The following FCHSD1 variants were observed in gnomAD, a reference collection of about 807,000 sequenced individuals.
FCHSD1 encodes FCH and double SH3 domains 1.
FCHSD1 carries 109 observed loss-of-function variants against 101.3 expected under a neutral mutation model. The ratio of observed to expected loss-of-function variants is 1.08; its 90% CI spans 0.92 to 1.26. The LOEUF (loss-of-function observed/expected upper bound fraction) is 1.26. Among genes scored for constraint, FCHSD1 ranks in the 50% most tolerant of loss-of-function variants. FCHSD1 has a pLI of 0.00. For synonymous variants in FCHSD1, 291 were observed against 356.8 expected (o/e 0.82, Z 2.08); for missense variants, 820 against 895.8 (o/e 0.92, Z 1.08).
intron 10 of FCHSD1, 125 bp from the exon 11 acceptor site, chr5:141,646,847 G>T: frequency 7.3e-7 from 1 of 1,375,968 alleles, no homozygotes; most frequent in Non-Finnish European, 9.7e-7. Context: ...CATGCCTACA[G>T]TCATGGACAC....
In FCHSD1 at chr5:141,649,284, G is replaced by C; in HGVS notation, c.400C>G (p.Gln134Glu). ...CGGACAGACTGCAGCACCTCAGCCT[G>C]CGCCCTCTGGAGGTTCTCTGTTCCC... ...RKGTENLQRAQAEVLQSVREL... is the reference protein window; with the variant it reads ...RKGTENLQRAEAEVLQSVREL... The change falls in exon 6 of 20, where the codon CAG becomes GAG. Residue 134 changes from glutamine (Q) to glutamate (E), a missense_variant. By Grantham distance (29) the Gln-to-Glu change is conservative. Coordinates refer to ENST00000435817, the MANE Select transcript of FCHSD1 (RefSeq NM_033449.3). This position sits in a 1 kb window ranked among gnomAD's most constrained non-coding sequence, Gnocchi z 4.1. 6.2e-7 allele frequency: 1 copy of C among 1,613,996 alleles called. No homozygotes were observed. The highest frequency in any genetic ancestry group is 8.5e-7 in the Non-Finnish European group (1 of 1,179,890).
Position 141,640,226 on chromosome 5 carries a change from C to T in FCHSD1, c.*1272G>A, listed in dbSNP as rs924668013. 3.1e-6 allele frequency: 5 copies of T among 1,614,170 alleles called. No homozygotes were observed. Among genetic ancestry groups the T allele is most frequent in the Admixed American group, 1.7e-5 (1 of 60,026 alleles). The stretch of plus-strand genomic sequence containing the variant: ...CAACACTGAGGGCCGGAGGGAGGGG[C>T]CCAAGCCCAGGGCTGCCCACTCAAG... On this transcript the variant is annotated 3_prime_UTR_variant, in exon 20 of 20. Transcript: ENST00000435817.
chr5:141,641,508 G>A lies in FCHSD1; in HGVS notation c.2063C>T (p.Pro688Leu). The part of the protein sequence containing the change: ...AKAPDPGHPD[P>L]LT ...AGGCTTCCCTGGCCTTCAGGTGAGG[G>A]GATCTGGGTGGCCAGGATCCGGGGC... Residue 688 changes from proline (P) to leucine (L), a missense_variant, in exon 20 of 20, where the codon CCC becomes CTC. Pro to Leu is a moderately conservative substitution (Grantham distance 98). Transcript: ENST00000435817. The A allele has an allele frequency of 1.3e-6, 2 of 1,498,744 alleles. No homozygotes were observed. Among genetic ancestry groups the A allele is most frequent in the African/African-American group, 2.8e-5 (2 of 71,638 alleles). The allele number at this position is 1,498,744 out of a possible 1,614,324, so 92.8% of individuals were successfully genotyped here. A position where few individuals can be genotyped will look rare whatever the true frequency, so the allele number is the denominator to read the frequency against.
chr5:141,651,012 G>T lies in FCHSD1; in HGVS notation c.119+8C>A. ...GTGAGTGTAAATGAAGGGGGTTGGG[G>T]GAGCTACCTGATGTCCTCCAGCAGA... On this transcript the variant is annotated splice_region_variant and intron_variant, in intron 2 of 19. Coordinates refer to ENST00000435817, the MANE Select transcript of FCHSD1 (RefSeq NM_033449.3). The T allele has an allele frequency of 1.3e-6, 2 of 1,576,122 alleles. No homozygotes were observed. The highest frequency in any genetic ancestry group is 1.7e-6 in the Non-Finnish European group (2 of 1,159,632).
rs761011733 is a variant in FCHSD1 at position 141,649,982 on chromosome 5, G to C, written c.166-28C>G. 5.2e-6 allele frequency: 8 copies of C among 1,526,144 alleles called. No homozygotes were observed. The highest frequency in any genetic ancestry group is 7.0e-6 in the Non-Finnish European group (8 of 1,138,490). The allele number at this position is 1,526,144 out of a possible 1,614,324, so 94.5% of individuals were successfully genotyped here. A position where few individuals can be genotyped will look rare whatever the true frequency, so the allele number is the denominator to read the frequency against. On this transcript the variant is annotated intron_variant, in intron 3 of 19. Transcript: ENST00000435817. This position sits in a 1 kb window ranked among gnomAD's most constrained non-coding sequence, Gnocchi z 4.1. ...GGTGAAAAAGCCATCACAGAACCAA[G>C]TTCCCTTTCAAAGACCCACCCCAAC...
Position 141,646,149 on chromosome 5 carries a change from G to A in FCHSD1, c.1087C>T (p.Arg363Trp), listed in dbSNP as rs1024781960. 57 of 1,611,366 alleles carry A rather than the reference G, an allele frequency of 3.5e-5. No individual in the cohort carries two copies. The highest frequency in any genetic ancestry group is 4.2e-5 in the Non-Finnish European group (49 of 1,179,052). ...CTCTGTTCTATGCTTGGAGCCTCCCGCTCTGAAGCCTGCTGCCGCCTCTGC... is the reference window on the plus strand; with the variant it reads ...CTCTGTTCTATGCTTGGAGCCTCCCACTCTGAAGCCTGCTGCCGCCTCTGC... ...LEQRRQQASE[R>W]EAPSIEQRLQ... Residue 363 changes from arginine to tryptophan, a missense_variant, in exon 12 of 20, where the codon CGG becomes TGG. Transcript: ENST00000435817.
intron 11 of FCHSD1, 39 bp downstream of exon 11, chr5:141,646,564 C>A: frequency 6.3e-7 from 1 of 1,587,338 alleles, no homozygotes; most frequent in Non-Finnish European, 8.6e-7. Flanking sequence ...CTTGCTGAGA[C>A]AAGAAGGTGC....
chr5:141,643,040 A>G lies in FCHSD1; in HGVS notation c.1912T>C (p.Ser638Pro). ...GGTGCAGGGGGCCCATCCAACACAGAGGTAGGTGCAGGTGGGGAGAAGCTG... is the reference window on the plus strand; with the variant it reads ...GGTGCAGGGGGCCCATCCAACACAGGGGTAGGTGCAGGTGGGGAGAAGCTG... ...PPSFSPPAPT[S>P]VLDGPPAPVL... Residue 638 changes from serine to proline, a missense_variant, in exon 18 of 20, where the codon TCT becomes CCT. Physicochemically the swap from Ser to Pro is moderately conservative, Grantham distance 74. Transcript: ENST00000435817. The G allele has an allele frequency of 6.4e-7, 1 of 1,555,232 alleles. No individual in the cohort carries two copies. The highest frequency in any genetic ancestry group is 2.4e-5 in the East Asian group (1 of 40,830).
Position 141,649,759 on chromosome 5 carries a change from G to C in FCHSD1, c.233+128C>G. On this transcript the variant is annotated intron_variant, in intron 4 of 19. Transcript: ENST00000435817. This position sits in a 1 kb window ranked among gnomAD's most constrained non-coding sequence, Gnocchi z 4.1. ...TTGCTGGGTCAGCTCCTCTGCTGCT[G>C]CTGTGTCAGCTCTACCTACAGCTCA... is the stretch of plus-strand genomic sequence containing the variant. 8.1e-7 allele frequency: 1 copy of C among 1,238,418 alleles called. No homozygotes were observed. The highest frequency in any genetic ancestry group is 2.4e-4 in the Middle Eastern group (1 of 4,134). 76.7% of individuals were successfully genotyped at this position (1,238,418 alleles called of 1,614,324 possible).
Position 141,645,763 on chromosome 5 carries a change from G to T in FCHSD1, c.1311+8C>A. 1 of 1,609,280 alleles carries T rather than the reference G, an allele frequency of 6.2e-7. No individual in the cohort carries two copies. Among genetic ancestry groups the T allele is most frequent in the Non-Finnish European group, 8.5e-7 (1 of 1,177,266 alleles). Reference sequence around the variant, plus strand: ...GTAAGGATGGGTAGTGTTGGGGGAGGAGCTCACGGTTGGAGAGAGGTCCCT... The same window carrying T: ...GTAAGGATGGGTAGTGTTGGGGGAGTAGCTCACGGTTGGAGAGAGGTCCCT... On this transcript the variant is annotated splice_region_variant and intron_variant, in intron 13 of 19. Coordinates refer to ENST00000435817, the MANE Select transcript of FCHSD1 (RefSeq NM_033449.3).
rs1170940613 is a variant in FCHSD1 at position 141,649,775 on chromosome 5, C to G, written c.233+112G>C. 30 of 1,322,602 alleles carry G rather than the reference C, an allele frequency of 2.3e-5. No individual in the cohort carries two copies. Among genetic ancestry groups the G allele is most frequent in the Non-Finnish European group, 2.8e-5 (27 of 970,056 alleles). The allele number at this position is 1,322,602 out of a possible 1,614,324, so 81.9% of individuals were successfully genotyped here. A position where few individuals can be genotyped will look rare whatever the true frequency, so the allele number is the denominator to read the frequency against. ...TCTGCTGCTGCTGTGTCAGCTCTAC[C>G]TACAGCTCACGTGCCTTCCCCACTT... On this transcript the variant is annotated intron_variant, in intron 4 of 19. Coordinates refer to ENST00000435817, the MANE Select transcript of FCHSD1 (RefSeq NM_033449.3). The surrounding 1 kb of genome is among the most constrained non-coding windows in gnomAD (Gnocchi z 4.1).
chr5:141,642,934 G>T, intron 18 of FCHSD1, 67 bp downstream of exon 18: 1 of 1,461,278 alleles, frequency 6.8e-7, no homozygotes, highest in Non-Finnish European at 9.3e-7. Context: ...AGCGTGACCT[G>T]GGAGTCCAAG....
chr5:141,649,091 T>G lies in FCHSD1; in HGVS notation c.513-71A>C. Reference sequence around the variant, plus strand: ...ATATGAGATCAGAGTCAGGCCCAGCTTTGGTGACTTGGCTCCACCCCTAGA... The same window carrying G: ...ATATGAGATCAGAGTCAGGCCCAGCGTTGGTGACTTGGCTCCACCCCTAGA... On this transcript the variant is annotated intron_variant, in intron 6 of 19. Coordinates refer to ENST00000435817, the MANE Select transcript of FCHSD1 (RefSeq NM_033449.3). The surrounding 1 kb of genome is among the most constrained non-coding windows in gnomAD (Gnocchi z 4.1). 1 of 1,613,838 alleles carries G rather than the reference T, an allele frequency of 6.2e-7. No homozygotes were observed. The highest frequency in any genetic ancestry group is 8.5e-7 in the Non-Finnish European group (1 of 1,179,768).
chr5:141,650,361 GCCC>G lies in FCHSD1; in HGVS notation c.160_162del (p.Gly54del). ...AGGTCCAGAGAAAAGTCCCATACCT[GCCC>G]ATACTCCCGTTCAATGGCTGCCCTC... On this transcript the variant is annotated inframe_deletion, in exon 3 of 20. Transcript: ENST00000435817. 1.2e-6 allele frequency: 2 copies of G among 1,613,942 alleles called. No individual in the cohort carries two copies. The highest frequency in any genetic ancestry group is 1.7e-6 in the Non-Finnish European group (2 of 1,179,876).
chr5:141,644,460 G>A lies in FCHSD1; in HGVS notation c.1643-22C>T, dbSNP rs931652299. On this transcript the variant is annotated intron_variant, in intron 16 of 19. Transcript: ENST00000435817. Reference sequence around the variant, plus strand: ...AATGCTACAGAGGCCCAGGAGAGACGGTGAGAGGGAGGTGGGTAGCAGTGC... The same window carrying A: ...AATGCTACAGAGGCCCAGGAGAGACAGTGAGAGGGAGGTGGGTAGCAGTGC... The A allele has an allele frequency of 3.1e-6, 5 of 1,610,702 alleles. No homozygotes were observed. The African/African-American group carries it at 4.0e-5, about 13-fold the overall frequency.
chr5:141,640,480 A>C lies in FCHSD1; in HGVS notation c.*1018T>G. 2 of 1,613,868 alleles carry C rather than the reference A, an allele frequency of 1.2e-6. No homozygotes were observed. The highest frequency in any genetic ancestry group is 1.7e-6 in the Non-Finnish European group (2 of 1,179,806). ...CCTGAGCCCTAAATGAGGTAATCTC[A>C]TCTTCCCATCACCTACTTAAACTAT... On this transcript the variant is annotated 3_prime_UTR_variant, in exon 20 of 20. Transcript: ENST00000435817.
At position 141,651,413 on chromosome 5, in the gene FCHSD1, G is replaced by A; in HGVS notation, c.-45C>T. 2 of 1,549,864 alleles carry A rather than the reference G, an allele frequency of 1.3e-6. No homozygotes were observed. The highest frequency in any genetic ancestry group is 1.2e-5 in the South Asian group (1 of 83,908). On this transcript the variant is annotated 5_prime_UTR_variant, in exon 1 of 20. Coordinates refer to ENST00000435817, the MANE Select transcript of FCHSD1 (RefSeq NM_033449.3). ...TCAGCCACTGGACTCCGGAACTGGA[G>A]GAAGCCCCGCCCACTATGGAGCCCC...
At position 141,639,983 on chromosome 5, in the gene FCHSD1, AGACAGGAGCTGGGGCTCTGGTGGGG is replaced by A; in HGVS notation, c.*1490_*1514del. ...ACGAACACCGTGATGGCTCCCCCAC[AGACAGGAGCTGGGGCTCTGGTGGGG>A]GACAGGACCCAGGGGGTGGTCAGGG... On this transcript the variant is annotated 3_prime_UTR_variant, in exon 20 of 20. Coordinates refer to ENST00000435817, the MANE Select transcript of FCHSD1 (RefSeq NM_033449.3). This position sits in a 1 kb window ranked among gnomAD's most constrained non-coding sequence, Gnocchi z 4.4. 6.2e-7 allele frequency: 1 copy of A among 1,613,764 alleles called. No homozygotes were observed. Among genetic ancestry groups the A allele is most frequent in the Non-Finnish European group, 8.5e-7 (1 of 1,179,856 alleles).
At position 141,643,088 on chromosome 5, in the gene FCHSD1, T is replaced by C. The variant is rs1398472596; in HGVS notation, c.1864A>G (p.Met622Val). 2 of 1,479,082 alleles carry C rather than the reference T, an allele frequency of 1.4e-6. No individual in the cohort carries two copies. Among genetic ancestry groups the C allele is most frequent in the Non-Finnish European group, 1.8e-6 (2 of 1,115,080 alleles). 91.6% of individuals were successfully genotyped at this position (1,479,082 alleles called of 1,614,324 possible). The change falls in exon 18 of 20, where the codon ATG becomes GTG. Residue 622 changes from methionine (M) to valine (V), a missense_variant and splice_region_variant. Met to Val is a conservative substitution (Grantham distance 21). Transcript: ENST00000435817. ...GPPELSDPEQ[M>V]LPSPSPPSFS... ...CTGGGAGGAGAAGGGGACGGCAGCA[T>C]CTGGAGGTGGGGTGGGCACAGAGTT...
Sources: allele counts gnomAD v4.1 joint callset, GRCh38; gene constraint gnomAD v4.1.1; non-coding constraint Gnocchi (gnomAD v3.1); transcripts MANE v1.5; gene names NCBI Gene and HGNC (gene_info 2026-07-23, HGNC 2026-07-21).